MECOM: variants seen among roughly 807,000 people sequenced by gnomAD.
MECOM encodes the protein MDS1 and EVI1 complex locus, also known as histone-lysine N-methyltransferase MECOM.
In MECOM, 13 loss-of-function variants were observed where a neutral mutation model predicts 116.3. The observed-to-expected ratio is 0.11, with a 90% CI of 0.07 to 0.18. The LOEUF (loss-of-function observed/expected upper bound fraction) is 0.18, where lower values mean the gene tolerates loss of function less well. Among genes scored for constraint, MECOM ranks in the 10% least tolerant of loss-of-function variants. MECOM has a pLI of 1.00. For synonymous variants in MECOM, 528 were observed against 535.2 expected (o/e 0.99, Z 0.19); for missense variants, 1,299 against 1,509.0 (o/e 0.86, Z 2.31).
intron 2 of MECOM, among the ~76,000 whole-genome samples, chr3:169,214,439 A>AC (rs1232707439): frequency 6.6e-6 from 1 of 151,884 alleles, no homozygotes; most frequent in Non-Finnish European, 1.5e-5. Context: ...AAAAAAAAAA[A>AC]AAACAAACTC....
chr3:169,504,155 G>A (rs1754907551), intron 1 of MECOM, among the ~76,000 whole-genome samples: 1 of 92,364 alleles, frequency 1.1e-5, no homozygotes, highest in Non-Finnish European at 2.0e-5. Context: ...AGAGAAGTGT[G>A]TGTGTGTGTG....
intron 2 of MECOM, chr3:169,146,323 C>T: frequency 7.8e-7 from 1 of 1,285,008 alleles, no homozygotes; most frequent in Non-Finnish European, 1.0e-6. Context: ...CGGCCGAGAG[C>T]GGCTCCAAAG....
chr3:169,485,215 A>C (rs1751971882), intron 1 of MECOM, among the ~76,000 whole-genome samples: 1 of 152,058 alleles, frequency 6.6e-6, no homozygotes, highest in Non-Finnish European at 1.5e-5. Flanking sequence ...GGATAGTCTC[A>C]AACTCCTGAC....
chr3:169,499,948 A>T (rs892066766), intron 1 of MECOM, among the ~76,000 whole-genome samples: 3 of 152,086 alleles, frequency 2.0e-5, no homozygotes, highest in Non-Finnish European at 4.4e-5. Context: ...AGCCCTCACT[A>T]TCTATCTCCA....
At chr3:169,500,851 A>T (rs900508757) in intron 1 of MECOM, among the ~76,000 whole-genome samples, 1 of 152,022 alleles carries the variant, frequency 6.6e-6, no homozygotes, top group African/African-American at 2.4e-5. Flanking sequence ...AAATCTGATT[A>T]TATAAACTTA....
intron 2 of MECOM, chr3:169,146,841 C>T: frequency 1.9e-6 from 2 of 1,069,328 alleles, no homozygotes; most frequent in Non-Finnish European, 2.3e-6. Flanking sequence ...TTCAAACGAT[C>T]CCGAGCAACA....
intron 3 of MECOM, among the ~76,000 whole-genome samples, chr3:169,142,003 T>G (rs1472376111): frequency 1.3e-5 from 2 of 151,986 alleles, no homozygotes; most frequent in East Asian, 3.8e-4. Context: ...TATTTTCTTT[T>G]GAAAACAATG....
chr3:169,594,174 A>AAAAAAAAAAAAAAAAAAAAAAAAACC (rs1255613781), intron 1 of MECOM, among the ~76,000 whole-genome samples: 2 of 125,934 alleles, frequency 1.6e-5, no homozygotes, highest in African/African-American at 6.4e-5. Context: ...AAAAAAAAAA[A>AAAAAAAAAAAAAAAAAAAAAAAAACC]AACACCTTTT....
chr3:169,169,583 C>T (rs1744100880), intron 2 of MECOM, among the ~76,000 whole-genome samples: 1 of 151,948 alleles, frequency 6.6e-6, no homozygotes, highest in African/African-American at 2.4e-5. Flanking sequence ...TTATTCAGTA[C>T]CCATGGAAAA....
At chr3:169,223,258 C>T in intron 2 of MECOM, among the ~76,000 whole-genome samples, 1 of 135,880 alleles carries the variant, frequency 7.4e-6, no homozygotes, top group African/African-American at 2.6e-5. Context: ...AGGTATATCT[C>T]CTAATGCTAT....
At chr3:169,583,006 T>C (rs56197629) in intron 1 of MECOM, among the ~76,000 whole-genome samples, 6 of 152,050 alleles carry the variant, frequency 3.9e-5, no homozygotes, top group African/African-American at 1.2e-4. Context: ...AACAAATGAA[T>C]AAAGGAAAGG....
At chr3:169,638,096 G>A (rs542433485) in intron 1 of MECOM, among the ~76,000 whole-genome samples, 1 of 152,300 alleles carries the variant, frequency 6.6e-6, no homozygotes, top group South Asian at 2.1e-4. Flanking sequence ...TATACAAGTT[G>A]CAAGGCTTGA....
At chr3:169,405,157 G>GT (rs1239713547) in intron 1 of MECOM, among the ~76,000 whole-genome samples, 2 of 152,062 alleles carry the variant, frequency 1.3e-5, no homozygotes, top group Non-Finnish European at 2.9e-5. Flanking sequence ...GGTCAAAAGG[G>GT]TTTTTTCTCT....
intron 1 of MECOM, among the ~76,000 whole-genome samples, chr3:169,571,402 A>G (rs1763886988): frequency 6.6e-6 from 1 of 152,210 alleles, no homozygotes. Context: ...CTATCATGAA[A>G]ATGGCCATAC....
At chr3:169,599,958 AC>A (rs1560479718) in intron 1 of MECOM, among the ~76,000 whole-genome samples, 1 of 152,110 alleles carries the variant, frequency 6.6e-6, no homozygotes, top group African/African-American at 2.4e-5. Context: ...AATATTCTGC[AC>A]AACTACCTCT....
intron 1 of MECOM, among the ~76,000 whole-genome samples, chr3:169,583,858 G>T (rs540434455): frequency 1.3e-5 from 2 of 151,690 alleles, no homozygotes; most frequent in African/African-American, 2.4e-5. Flanking sequence ...TCCTGCCTTG[G>T]CTTCCCAAAG....
chr3:169,577,800 C>T (rs967708311), intron 1 of MECOM, among the ~76,000 whole-genome samples: 1 of 152,150 alleles, frequency 6.6e-6, no homozygotes, highest in African/African-American at 2.4e-5. Flanking sequence ...AATTTCTCTA[C>T]TTGTTATTTC....
At chr3:169,463,161 G>A (rs1331386323) in intron 1 of MECOM, among the ~76,000 whole-genome samples, 1 of 152,090 alleles carries the variant, frequency 6.6e-6, no homozygotes, top group African/African-American at 2.4e-5. Context: ...TGCAAGTTAA[G>A]TATAAGGAAA....
intron 1 of MECOM, among the ~76,000 whole-genome samples, chr3:169,428,787 C>G (rs2002770): frequency 0.12 from 17,569 of 152,090 alleles, 1,295 homozygotes; most frequent in East Asian, 0.3. Context: ...AGAATGAGAG[C>G]TTTTGTGGTA....
Sources: gnomAD v4.1 joint callset for allele counts (sites outside exome capture counted in the v4.1 genomes callset) on GRCh38, gnomAD v4.1.1 for gene constraint, MANE v1.5 for transcripts, NCBI Gene and HGNC (gene_info 2026-07-23, HGNC 2026-07-21) for gene names.